The following COL21A1 variants were observed in gnomAD, a reference collection of about 807,000 sequenced individuals.
The protein encoded by COL21A1 is collagen type XXI alpha 1 chain.
COL21A1 carries 149 observed loss-of-function variants against 137.9 expected under a neutral mutation model. That is an observed-to-expected ratio of 1.08 (90% confidence interval 0.95 to 1.24). COL21A1 has a LOEUF of 1.24. Ranked by LOEUF, COL21A1 falls within the 50% of genes most tolerant of loss-of-function variation. COL21A1 has a pLI of 0.00. For synonymous variants in COL21A1, 456 were observed against 391.5 expected, an observed-to-expected ratio of 1.16 and a Z score of -1.95; for missense variants, 1,167 against 1,158.4, an observed-to-expected ratio of 1.01 and a Z score of -0.11.
At chr6:56,064,736 G>A (rs1452913174) in intron 23 of COL21A1, 114 bp from the exon 24 acceptor site, 6 of 562,588 alleles carry the variant, frequency 1.1e-5, no homozygotes, top group South Asian at 2.9e-5. Context: ...CAAAAGCAGC[G>A]ATACAAATAT....
At chr6:56,175,226 T>C (rs1268346798) in intron 3 of COL21A1, among the ~76,000 whole-genome samples, 1 of 152,042 alleles carries the variant, frequency 6.6e-6, no homozygotes, top group Non-Finnish European at 1.5e-5. Flanking sequence ...TCCTCTAAGA[T>C]GAGGAACAAG....
chr6:56,143,223 C>T (rs1424219079), intron 10 of COL21A1, among the ~76,000 whole-genome samples: 2 of 123,980 alleles, frequency 1.6e-5, no homozygotes, highest in African/African-American at 6.2e-5. Context: ...TTTTTTGAGA[C>T]AGAGTCTCAC....
At chr6:56,166,368 C>T (rs928792732) in intron 7 of COL21A1, among the ~76,000 whole-genome samples, 1 of 152,058 alleles carries the variant, frequency 6.6e-6, no homozygotes, top group Non-Finnish European at 1.5e-5. Context: ...AAAAACATTA[C>T]TGACAGGGCG....
At chr6:56,262,055 G>A (rs1300525277) in intron 1 of COL21A1, among the ~76,000 whole-genome samples, 1 of 152,146 alleles carries the variant, frequency 6.6e-6, no homozygotes, top group African/African-American at 2.4e-5. Context: ...AATAACAACT[G>A]AATAGAACAG....
chr6:56,255,956 G>T (rs1023199364), intron 1 of COL21A1, among the ~76,000 whole-genome samples: 1 of 152,146 alleles, frequency 6.6e-6, no homozygotes, highest in Non-Finnish European at 1.5e-5. Flanking sequence ...TGGCTTAGCT[G>T]GAAGAAAGGC....
chr6:56,087,424 A>T (rs1026739257), intron 17 of COL21A1, among the ~76,000 whole-genome samples: 2 of 152,160 alleles, frequency 1.3e-5, no homozygotes, highest in African/African-American at 4.8e-5. Context: ...GACCATTCAG[A>T]TGTCTTCAGT....
chr6:56,301,506 C>T (rs1377091237), intron 1 of COL21A1, among the ~76,000 whole-genome samples: 1 of 152,068 alleles, frequency 6.6e-6, no homozygotes, highest in African/African-American at 2.4e-5. Context: ...TCTTTTAAGC[C>T]ACTAAGTTTG....
At chr6:56,257,464 A>G (rs1763129016) in intron 1 of COL21A1, among the ~76,000 whole-genome samples, 1 of 152,200 alleles carries the variant, frequency 6.6e-6, no homozygotes, top group Non-Finnish European at 1.5e-5. Flanking sequence ...TATGCAAGAT[A>G]TAAATATATG....
chr6:56,160,293 A>C (rs1304374656), intron 9 of COL21A1, among the ~76,000 whole-genome samples: 2 of 152,230 alleles, frequency 1.3e-5, no homozygotes, highest in Non-Finnish European at 2.9e-5. Context: ...TCTCGTAATA[A>C]TCCTATGAAG....
chr6:56,233,288 G>A (rs557978620), intron 1 of COL21A1, among the ~76,000 whole-genome samples: 27 of 151,782 alleles, frequency 1.8e-4, no homozygotes, highest in African/African-American at 6.5e-4. Flanking sequence ...CACGAAAATA[G>A]GCAACAAATA....
intron 1 of COL21A1, among the ~76,000 whole-genome samples, chr6:56,370,340 AC>A (rs1766208852): frequency 6.6e-6 from 1 of 152,174 alleles, no homozygotes; most frequent in Non-Finnish European, 1.5e-5. Flanking sequence ...CTGAGCACAC[AC>A]CGTGAGAATT....
chr6:56,136,866 C>A (rs367719071), intron 12 of COL21A1, among the ~76,000 whole-genome samples: 1 of 152,076 alleles, frequency 6.6e-6, no homozygotes, highest in African/African-American at 2.4e-5. Context: ...GAAATGTAGA[C>A]CATGAACACT....
At chr6:56,220,748 T>C (rs565178426) in intron 1 of COL21A1, among the ~76,000 whole-genome samples, 28 of 152,292 alleles carry the variant, frequency 1.8e-4, no homozygotes, top group Admixed American at 3.9e-4. Flanking sequence ...CTGACTTTTA[T>C]TGAGATCCTA....
At chr6:56,226,410 T>A (rs1456379823) in intron 1 of COL21A1, among the ~76,000 whole-genome samples, 3 of 152,082 alleles carry the variant, frequency 2.0e-5, no homozygotes, top group African/African-American at 4.8e-5. Flanking sequence ...TCCCTCTTCC[T>A]CATAATCCCA....
chr6:56,230,743 T>C (rs1781509567), intron 1 of COL21A1, among the ~76,000 whole-genome samples: 1 of 151,932 alleles, frequency 6.6e-6, no homozygotes, highest in Non-Finnish European at 1.5e-5. Flanking sequence ...ATGTTTTATT[T>C]CTTATTTTCA....
At chr6:56,263,259 GA>G (rs1235159332) in intron 1 of COL21A1, among the ~76,000 whole-genome samples, 1 of 152,174 alleles carries the variant, frequency 6.6e-6, no homozygotes, top group African/African-American at 2.4e-5. Context: ...AAGGGCCAAA[GA>G]AATTAATATG....
intron 1 of COL21A1, among the ~76,000 whole-genome samples, chr6:56,327,459 G>A (rs1436716764): frequency 6.6e-6 from 1 of 151,992 alleles, no homozygotes; most frequent in Non-Finnish European, 1.5e-5. Context: ...GTTTGGCCTG[G>A]GGAATGGAAG....
At chr6:56,094,187 G>A (rs1769119685) in intron 17 of COL21A1, among the ~76,000 whole-genome samples, 2 of 151,896 alleles carry the variant, frequency 1.3e-5, no homozygotes, top group African/African-American at 2.4e-5. Flanking sequence ...CACTTTGCTT[G>A]GCAATCTCGT....
rs74617535 is a variant in COL21A1 at position 56,241,854 on chromosome 6, T to C, written c.-39+5533A>G. ...TAGAAGCATTTTGCCTTCTACATTG[T>C]TCAAGGTATTTACAAAATATTTTTC... On this transcript the variant is annotated intron_variant, in intron 1 of 29. Transcript: ENST00000244728. Among the ~76,000 whole-genome samples, 84 of 152,338 alleles carry C rather than the reference T, an allele frequency of 5.5e-4. No homozygotes were observed. In the East Asian group the frequency reaches 0.014, roughly 26 times the overall value.
Sources: allele counts gnomAD v4.1 joint callset (sites outside exome capture counted in the v4.1 genomes callset), GRCh38; gene constraint gnomAD v4.1.1; transcripts MANE v1.5; gene names NCBI Gene and HGNC (gene_info 2026-07-23, HGNC 2026-07-21).